Variants in PLXDC2 observed in about 807,000 individuals in gnomAD.
PLXDC2 encodes the protein plexin domain containing 2, also known as plexin domain-containing protein 2.
Under a neutral mutation model 68.9 loss-of-function variants are expected in PLXDC2, and 40 were observed. That is an observed-to-expected ratio of 0.58 (90% CI 0.45 to 0.76). The LOEUF (loss-of-function observed/expected upper bound fraction) is 0.76. PLXDC2 is among the 30% of genes least tolerant of loss of function. PLXDC2 has a pLI of 0.00. For synonymous variants in PLXDC2, 243 were observed against 234.2 expected, an observed-to-expected ratio of 1.04 and a Z score of -0.34; for missense variants, 644 against 661.9, an observed-to-expected ratio of 0.97 and a Z score of 0.30.
Position 20,046,856 on chromosome 10 carries a change from T to A in PLXDC2, c.325-13T>A. 3.8e-6 allele frequency: 6 copies of A among 1,590,770 alleles called. No homozygotes were observed. Among genetic ancestry groups the A allele is most frequent in the Non-Finnish European group, 5.1e-6 (6 of 1,171,162 alleles). Reference sequence around the variant, plus strand: ...TCTCGGTTCTTGATATACATTATTATCTATTATTGCAGGAGGATACAGACC... The same window carrying A: ...TCTCGGTTCTTGATATACATTATTAACTATTATTGCAGGAGGATACAGACC... On this transcript the variant is annotated splice_polypyrimidine_tract_variant and intron_variant, in intron 2 of 13. Coordinates refer to ENST00000377252, the MANE Select transcript of PLXDC2 (RefSeq NM_032812.9).
At position 20,281,056 on chromosome 10, in the gene PLXDC2, A is replaced by G. The variant is rs1023802145; in HGVS notation, c.*1237A>G. On this transcript the variant is annotated 3_prime_UTR_variant, in exon 14 of 14. Transcript: ENST00000377252. ...GAGTTGTAAAATAATCCTTAATATT[A>G]GAATATTTTTCTGTCACTTAGCAAA... 8.5e-5 allele frequency: 13 copies of G among 152,188 alleles called. No individual in the cohort carries two copies. Among genetic ancestry groups the G allele is most frequent in the Non-Finnish European group, 1.2e-4 (8 of 68,028 alleles). The allele number at this position is 152,188 out of a possible 1,614,324, so 9.4% of individuals were successfully genotyped here. A position where few individuals can be genotyped will look rare whatever the true frequency, so the allele number is the denominator to read the frequency against.
At chr10:20,275,468 G>A (rs1219314472) in intron 13 of PLXDC2, among the ~76,000 whole-genome samples, 2 of 152,144 alleles carry the variant, frequency 1.3e-5, no homozygotes, top group African/African-American at 4.8e-5. Context: ...AGAAAGTATA[G>A]GATTCATAAA....
chr10:19,820,864 G>A (rs1444776416), intron 1 of PLXDC2, among the ~76,000 whole-genome samples: 1 of 152,124 alleles, frequency 6.6e-6, no homozygotes, highest in East Asian at 1.9e-4. Context: ...GATCACCTGA[G>A]GTGAGGAGTT....
intron 1 of PLXDC2, among the ~76,000 whole-genome samples, chr10:19,995,730 G>A (rs377438772): frequency 9.3e-4 from 141 of 152,294 alleles, no homozygotes; most frequent in African/African-American, 3.3e-3. Context: ...TCCAGTGGTG[G>A]TAGACATAAG....
chr10:20,061,644 C>A (rs755065754), intron 3 of PLXDC2, among the ~76,000 whole-genome samples: 1 of 152,176 alleles, frequency 6.6e-6, no homozygotes, highest in Non-Finnish European at 1.5e-5. Context: ...TACACTTCTA[C>A]CTACTGATTT....
chr10:20,069,318 G>C (rs1836276882), intron 4 of PLXDC2, among the ~76,000 whole-genome samples: 1 of 152,152 alleles, frequency 6.6e-6, no homozygotes, highest in African/African-American at 2.4e-5. Flanking sequence ...TAGCTTAGTG[G>C]AATATTAGGC....
At chr10:19,931,999 T>A (rs540321901) in intron 1 of PLXDC2, among the ~76,000 whole-genome samples, 66 of 144,558 alleles carry the variant, frequency 4.6e-4, no homozygotes, top group African/African-American at 1.5e-3. Context: ...AATAATGAAA[T>A]CTTATAAAAA....
At chr10:20,168,913 A>T (rs753203683) in intron 7 of PLXDC2, among the ~76,000 whole-genome samples, 4 of 152,200 alleles carry the variant, frequency 2.6e-5, no homozygotes, top group Non-Finnish European at 4.4e-5. Flanking sequence ...TGTAATATAC[A>T]CATATATGAA....
chr10:20,002,466 GC>G (rs951119499), intron 2 of PLXDC2, among the ~76,000 whole-genome samples: 9 of 152,002 alleles, frequency 5.9e-5, no homozygotes, highest in African/African-American at 2.2e-4. Flanking sequence ...CACCATGTTT[GC>G]CAGGCTGGTC....
In PLXDC2 at chr10:20,161,524, G is replaced by T. The variant is rs780736744; in HGVS notation, c.784-2944G>T. Among the ~76,000 whole-genome samples, 7 of 151,590 alleles carry T rather than the reference G, an allele frequency of 4.6e-5. No individual in the cohort carries two copies. In the South Asian group the frequency reaches 1.3e-3, roughly 27 times the overall value. On this transcript the variant is annotated intron_variant, in intron 6 of 13. Coordinates refer to ENST00000377252, the MANE Select transcript of PLXDC2 (RefSeq NM_032812.9). ...ATTATTGAGCCTGGAATCTGAGTGG[G>T]AGAGGACGACAGAGGGTCTGGGCAC...
At chr10:20,016,841 A>G (rs1835221044) in intron 2 of PLXDC2, among the ~76,000 whole-genome samples, 1 of 152,210 alleles carries the variant, frequency 6.6e-6, no homozygotes, top group Non-Finnish European at 1.5e-5. Flanking sequence ...TTATATTAGC[A>G]GCCTCACTCC....
At chr10:20,060,848 G>A (rs1369975881) in intron 3 of PLXDC2, among the ~76,000 whole-genome samples, 1 of 152,158 alleles carries the variant, frequency 6.6e-6, no homozygotes, top group Non-Finnish European at 1.5e-5. Context: ...TAACAGGTAG[G>A]AAATGAATCA....
intron 1 of PLXDC2, among the ~76,000 whole-genome samples, chr10:19,973,353 CACATATATATGTAT>C (rs1477861710): frequency 3.9e-5 from 2 of 51,392 alleles, no homozygotes; most frequent in Non-Finnish European, 8.1e-5. Flanking sequence ...TATGTATACT[CACATATATATGTAT>C]ACATATATAT....
intron 9 of PLXDC2, among the ~76,000 whole-genome samples, chr10:20,194,740 A>G (rs1834814822): frequency 6.7e-6 from 1 of 149,230 alleles, no homozygotes; most frequent in Admixed American, 6.7e-5. Context: ...CACCCATTTA[A>G]CTCGTCATTT....
intron 4 of PLXDC2, among the ~76,000 whole-genome samples, chr10:20,107,547 T>C (rs572343610): frequency 8.4e-4 from 128 of 152,320 alleles, no homozygotes; most frequent in African/African-American, 3.0e-3. Flanking sequence ...AATTGTAAGA[T>C]TAAATCTGTC....
chr10:20,044,094 C>CCCTT lies in PLXDC2; in HGVS notation c.325-2747_325-2744dup, dbSNP rs376988347. Among the ~76,000 whole-genome samples, 73 of 32,870 alleles carry CCCTT rather than the reference C, an allele frequency of 2.2e-3. 10 individuals carry two copies. The highest frequency in any genetic ancestry group is 0.016 in the Middle Eastern group (1 of 64). 21.6% of individuals were successfully genotyped at this position (32,870 alleles called of 152,430 possible). ...ACTTGCGCAGGGATCTGGCTTTTTCCCCTTCCTTCCTTCCTTCCTTCCTTC... is the reference window on the plus strand; with the variant it reads ...ACTTGCGCAGGGATCTGGCTTTTTCCCCTTCCTTCCTTCCTTCCTTCCTTCCTTC... On this transcript the variant is annotated intron_variant, in intron 2 of 13. Coordinates refer to ENST00000377252, the MANE Select transcript of PLXDC2 (RefSeq NM_032812.9).
intron 1 of PLXDC2, among the ~76,000 whole-genome samples, chr10:19,853,954 G>A (rs186816697): frequency 2.6e-5 from 4 of 152,296 alleles, no homozygotes; most frequent in African/African-American, 9.6e-5. Context: ...GCAGAAACCA[G>A]CATTTCCCTG....
At chr10:20,055,497 A>G (rs950729916) in intron 3 of PLXDC2, among the ~76,000 whole-genome samples, 17 of 152,112 alleles carry the variant, frequency 1.1e-4, no homozygotes, top group African/African-American at 3.9e-4. Flanking sequence ...TACTTTCTCT[A>G]TTAGGCTATT....
At chr10:20,088,746 T>C (rs1833234702) in intron 4 of PLXDC2, among the ~76,000 whole-genome samples, 1 of 152,170 alleles carries the variant, frequency 6.6e-6, no homozygotes, top group Non-Finnish European at 1.5e-5. Context: ...AAATTGGGTA[T>C]ATCAATCACA....
Sources: allele counts gnomAD v4.1 joint callset (sites outside exome capture counted in the v4.1 genomes callset), GRCh38; gene constraint gnomAD v4.1.1; transcripts MANE v1.5; gene names NCBI Gene and HGNC (gene_info 2026-07-23, HGNC 2026-07-21).